Variants in SLC24A4 observed in about 807,000 individuals in gnomAD.
SLC24A4 encodes sodium/potassium/calcium exchanger 4.
In SLC24A4, 53 loss-of-function variants were observed where a neutral mutation model predicts 79.0. That is an observed-to-expected ratio of 0.67 (90% confidence interval 0.54 to 0.84). The LOEUF is 0.84. Among genes scored for constraint, SLC24A4 ranks in the 40% least tolerant of loss-of-function variants. SLC24A4 has a pLI of 0.00. For synonymous variants in SLC24A4, 323 were observed against 323.8 expected (o/e 1.00, Z 0.03); for missense variants, 731 against 822.0 (o/e 0.89, Z 1.35).
chr14:92,380,819 A>G (rs72695130), intron 2 of SLC24A4, among the ~76,000 whole-genome samples: 13,765 of 152,234 alleles, frequency 0.09, 673 homozygotes, highest in Middle Eastern at 0.13. Flanking sequence ...TGGAGGTGCA[A>G]GCGGCTCAGG....
intron 2 of SLC24A4, among the ~76,000 whole-genome samples, chr14:92,373,307 C>G (rs1163546835): frequency 6.6e-6 from 1 of 152,116 alleles, no homozygotes; most frequent in African/African-American, 2.4e-5. Context: ...GCCTCCCAAA[C>G]TGCTGGGATT....
At chr14:92,345,326 G>A (rs2141628675) in intron 2 of SLC24A4, among the ~76,000 whole-genome samples, 1 of 152,312 alleles carries the variant, frequency 6.6e-6, no homozygotes, top group Non-Finnish European at 1.5e-5. Flanking sequence ...GAACCCTTCT[G>A]CGCCTCTGTT....
chr14:92,418,444 C>A (rs1050728056), intron 2 of SLC24A4, among the ~76,000 whole-genome samples: 72 of 152,168 alleles, frequency 4.7e-4, no homozygotes, highest in Non-Finnish European at 1.0e-4. Flanking sequence ...AGAAGCAGAG[C>A]CCATGGAGGT....
intron 12 of SLC24A4, among the ~76,000 whole-genome samples, chr14:92,469,995 CACA>C (rs1894349534): frequency 6.6e-6 from 1 of 152,212 alleles, no homozygotes; most frequent in Admixed American, 6.5e-5. Flanking sequence ...GTCATAGTTA[CACA>C]ACTTTCAAAT....
rs958003940 is a variant in SLC24A4, at chr14:92,493,902, G to A, written c.*274G>A. On this transcript the variant is annotated 3_prime_UTR_variant, in exon 17 of 17. Coordinates refer to ENST00000532405, the MANE Select transcript of SLC24A4 (RefSeq NM_153646.4). ...CCCCTGAGCTGCCAACCACGGAGATGTGCCAAGCATCTCATCTCTCCTGCA... is the reference window on the plus strand; with the variant it reads ...CCCCTGAGCTGCCAACCACGGAGATATGCCAAGCATCTCATCTCTCCTGCA... 8.6e-6 allele frequency: 4 copies of A among 463,910 alleles called. No individual in the cohort carries two copies. Among genetic ancestry groups the A allele is most frequent in the Admixed American group, 3.8e-5 (1 of 26,300 alleles). The allele number at this position is 463,910 out of a possible 1,614,324, so 28.7% of individuals were successfully genotyped here.
chr14:92,420,882 T>G (rs1891238250), intron 2 of SLC24A4, among the ~76,000 whole-genome samples: 1 of 152,138 alleles, frequency 6.6e-6, no homozygotes. Context: ...GTGAGCTGGG[T>G]CAGGTGATAC....
intron 2 of SLC24A4, among the ~76,000 whole-genome samples, chr14:92,357,707 G>A (rs890195438): frequency 4.6e-5 from 7 of 152,318 alleles, no homozygotes; most frequent in South Asian, 2.1e-4. Flanking sequence ...GGGAGTTATC[G>A]TTTAATGGGC....
chr14:92,390,919 C>G (rs1889424531), intron 2 of SLC24A4, among the ~76,000 whole-genome samples: 1 of 152,212 alleles, frequency 6.6e-6, no homozygotes, highest in Non-Finnish European at 1.5e-5. Flanking sequence ...AGCATGTGTT[C>G]CTGGTCTTCC....
rs76448637 is a variant in SLC24A4, at chr14:92,377,114, G to A, written c.241+51136G>A. ...GATGAGAAAGGTGAGACCCAGGAGG[G>A]ATGAGTAACCTCTCCAGGGACCCCC... On this transcript the variant is annotated intron_variant, in intron 2 of 16. Coordinates refer to ENST00000532405, the MANE Select transcript of SLC24A4 (RefSeq NM_153646.4). Among the ~76,000 whole-genome samples the A allele has an allele frequency of 5.3e-3, 814 of 152,302 alleles. 13 individuals carry two copies. The highest frequency in any genetic ancestry group is 0.019 in the African/African-American group (784 of 41,568).
At chr14:92,461,841 A>G (rs1230132599) in intron 12 of SLC24A4, among the ~76,000 whole-genome samples, 1 of 152,156 alleles carries the variant, frequency 6.6e-6, no homozygotes, top group Non-Finnish European at 1.5e-5. Context: ...AGGAATGCTT[A>G]TTATCTCCAC....
chr14:92,469,694 G>A (rs1006839287), intron 12 of SLC24A4, among the ~76,000 whole-genome samples: 3 of 152,100 alleles, frequency 2.0e-5, no homozygotes, highest in Non-Finnish European at 2.9e-5. Flanking sequence ...ATGGATAAAC[G>A]AAATGTGGTA....
At chr14:92,476,105 CCTT>C (rs1894749148) in intron 12 of SLC24A4, among the ~76,000 whole-genome samples, 1 of 152,192 alleles carries the variant, frequency 6.6e-6, no homozygotes, top group South Asian at 2.1e-4. Context: ...TGAAAATTAT[CCTT>C]CTACTGTGGC....
intron 1 of SLC24A4, among the ~76,000 whole-genome samples, chr14:92,325,171 A>G (rs1350177393): frequency 6.6e-6 from 1 of 152,230 alleles, no homozygotes; most frequent in Admixed American, 6.5e-5. Flanking sequence ...ACCCAGCTGA[A>G]GCAGTGCGCA....
At position 92,349,492 on chromosome 14, in the gene SLC24A4, C is replaced by T. The variant is rs143729887; in HGVS notation, c.241+23514C>T. Among the ~76,000 whole-genome samples, 333 of 152,240 alleles carry T rather than the reference C, an allele frequency of 2.2e-3. 2 individuals carry two copies. The highest frequency in any genetic ancestry group is 7.4e-3 in the African/African-American group (308 of 41,542). ...TGTTTCTTAAGTGTTAGGACATTTC[C>T]GTTTTTAGACTACAGTTTTTGAGAT... On this transcript the variant is annotated intron_variant, in intron 2 of 16. Coordinates refer to ENST00000532405, the MANE Select transcript of SLC24A4 (RefSeq NM_153646.4).
At chr14:92,433,809 G>T in intron 2 of SLC24A4, 103 bp from the exon 3 acceptor site, 1 of 945,980 alleles carries the variant, frequency 1.1e-6, no homozygotes, top group South Asian at 1.3e-5. Context: ...AGTCCAAAGC[G>T]AGGTGGGCTC....
chr14:92,373,193 C>T (rs997131055), intron 2 of SLC24A4, among the ~76,000 whole-genome samples: 16 of 68,128 alleles, frequency 2.3e-4, no homozygotes, highest in Admixed American at 1.3e-3. Context: ...CACACACACA[C>T]GCACACACAC....
At chr14:92,357,981 A>C (rs893440387) in intron 2 of SLC24A4, among the ~76,000 whole-genome samples, 6 of 152,224 alleles carry the variant, frequency 3.9e-5, no homozygotes, top group Non-Finnish European at 7.3e-5. Flanking sequence ...TCCTTGAAGC[A>C]CAAAACTTGG....
intron 2 of SLC24A4, among the ~76,000 whole-genome samples, chr14:92,385,049 A>G (rs1889071675): frequency 6.6e-6 from 1 of 152,184 alleles, no homozygotes; most frequent in South Asian, 2.1e-4. Context: ...TAAGAACTAG[A>G]ACTATGCCTG....
At chr14:92,393,374 T>C (rs1409946168) in intron 2 of SLC24A4, among the ~76,000 whole-genome samples, 5 of 152,120 alleles carry the variant, frequency 3.3e-5, no homozygotes, top group Non-Finnish European at 7.4e-5. Context: ...AGTTGCTGCG[T>C]GGAGGTCCTG....
Sources: gnomAD v4.1 joint callset for allele counts (sites outside exome capture counted in the v4.1 genomes callset) on GRCh38, gnomAD v4.1.1 for gene constraint, MANE v1.5 for transcripts, NCBI Gene and HGNC (gene_info 2026-07-23, HGNC 2026-07-21) for gene names.